Variants in TCIRG1 observed in about 807,000 individuals in gnomAD.
TCIRG1 encodes the protein V-type proton ATPase 116 kDa subunit a 3.
A neutral mutation model predicts 95.5 loss-of-function variants in TCIRG1; 86 were observed. The ratio of observed to expected loss-of-function variants is 0.90; its 90% CI spans 0.76 to 1.08. The LOEUF (loss-of-function observed/expected upper bound fraction) is 1.08, where lower values mean the gene tolerates loss of function less well. Among genes scored for constraint, TCIRG1 ranks in the 50% least tolerant of loss-of-function variants. TCIRG1 has a pLI of 0.00. For synonymous variants in TCIRG1, 499 were observed against 501.3 expected (o/e 1.00, Z 0.06); for missense variants, 1,069 against 1,140.2 (o/e 0.94, Z 0.90).
Position 68,047,950 on chromosome 11 carries a change from C to G in TCIRG1, c.1532C>G (p.Pro511Arg). 1 of 1,613,798 alleles carries G rather than the reference C, an allele frequency of 6.2e-7. No individual in the cohort carries two copies. Among genetic ancestry groups the G allele is most frequent in the Admixed American group, 1.7e-5 (1 of 60,032 alleles). Residue 511 changes from proline to arginine, a missense_variant, in exon 13 of 20, where the codon CCC (proline) becomes CGC (arginine). Pro to Arg is a moderately radical substitution (Grantham distance 103). Coordinates refer to ENST00000265686, the MANE Select transcript of TCIRG1 (RefSeq NM_006019.4). ...AACGTCACCGGTGTCTTCCTGGGAC[C>G]CTACCCCTTTGGCATCGATCCTGTG... ...DPNVTGVFLGPYPFGIDPIWS... is the reference protein window; with the variant it reads ...DPNVTGVFLGRYPFGIDPIWS...
rs753875344 is a variant in TCIRG1 at position 68,043,674 on chromosome 11, G to A, written c.713+21G>A. The A allele has an allele frequency of 5.7e-5, 91 of 1,586,432 alleles. No individual in the cohort carries two copies. In the Admixed American group the frequency reaches 1.4e-3, roughly 25 times the overall value. On this transcript the variant is annotated intron_variant, in intron 7 of 19. Transcript: ENST00000265686. ...GACTGGTGAGTCACTGGGAACACCC[G>A]CCCCACCGCCCTGCTCCCCAGGCCC...
In TCIRG1 at chr11:68,044,185, GCT is replaced by G. The variant is rs1855343556; in HGVS notation, c.862_863del (p.Leu288AlafsTer201). 6.4e-7 allele frequency: 1 copy of G among 1,555,910 alleles called. No individual in the cohort carries two copies. The highest frequency in any genetic ancestry group is 1.4e-5 in the African/African-American group (1 of 73,706). On this transcript the variant is annotated frameshift_variant, in exon 9 of 20. Transcript: ENST00000265686. LOFTEE classifies it high-confidence loss of function. ...GCCAGGTGCTAGGCCGGGTGCTGCA[GCT>G]GCTGCCGCCAGGGCAGGTGCAGGTC... is the stretch of plus-strand genomic sequence containing the variant. ...LSQVLGRVLQ[L>X]LPPGQVQVHK...
chr11:68,043,912 G>A lies in TCIRG1; in HGVS notation c.807+5G>A, dbSNP rs1855316991. 3.9e-6 allele frequency: 6 copies of A among 1,546,840 alleles called. No individual in the cohort carries two copies. Among genetic ancestry groups the A allele is most frequent in the Non-Finnish European group, 5.2e-6 (6 of 1,146,960 alleles). ...CAGAGCCAGGAGCTGCAGGAGGTGG[G>A]TGCCCCCGGCCTTCCGGAGGCGGGT... On this transcript the variant is annotated splice_donor_5th_base_variant and intron_variant, in intron 8 of 19. Transcript: ENST00000265686.
intron 2 of TCIRG1, 79 bp from the exon 3 acceptor site, chr11:68,041,674 G>A (rs999123331): frequency 6.6e-6 from 8 of 1,210,908 alleles, no homozygotes; most frequent in Non-Finnish European, 8.3e-6. Flanking sequence ...GGCCTGGGGA[G>A]AGTCAGGCCT....
chr11:68,044,407 G>T, intron 9 of TCIRG1, 63 bp downstream of exon 9: 1 of 1,373,418 alleles, frequency 7.3e-7, no homozygotes, highest in Non-Finnish European at 1.0e-6. Flanking sequence ...GGGCGTTTCT[G>T]CCTCACTTCC....
At chr11:68,052,304 TGG>T (rs1855823637), downstream of TCIRG1, 1 of 152,316 alleles carries the variant, frequency 6.6e-6, no homozygotes, top group Non-Finnish European at 1.5e-5. Flanking sequence ...GAGCTGACAG[TGG>T]GGCAAAGTGA....
chr11:68,041,843 C>T lies in TCIRG1; in HGVS notation c.196+12C>T. Reference sequence around the variant, plus strand: ...GGAGAAGACCTTCAGTGAGTTGGTCCCAGGCCTACATTCCAGGCAGGCTTC... The same window carrying T: ...GGAGAAGACCTTCAGTGAGTTGGTCTCAGGCCTACATTCCAGGCAGGCTTC... On this transcript the variant is annotated intron_variant, in intron 3 of 19. Coordinates refer to ENST00000265686, the MANE Select transcript of TCIRG1 (RefSeq NM_006019.4). The T allele has an allele frequency of 1.3e-6, 2 of 1,599,856 alleles. No homozygotes were observed. Among genetic ancestry groups the T allele is most frequent in the South Asian group, 2.3e-5 (2 of 88,816 alleles).
Position 68,042,631 on chromosome 11 carries a change from C to T in TCIRG1, c.197-12C>T, listed in dbSNP as rs1196930496. The T allele has an allele frequency of 6.5e-6, 10 of 1,546,656 alleles. No homozygotes were observed. The highest frequency in any genetic ancestry group is 1.2e-5 in the South Asian group (1 of 83,918). ...CCTCAACTGCACCCCACTCCCGTTC[C>T]TCTGCGCCCAGCCTTCCTGCAGGAG... On this transcript the variant is annotated splice_polypyrimidine_tract_variant and intron_variant, in intron 3 of 19. Transcript: ENST00000265686.
downstream of TCIRG1, chr11:68,052,553 A>G (rs1855833500): frequency 1.3e-5 from 2 of 152,384 alleles, no homozygotes; most frequent in Non-Finnish European, 2.9e-5. Context: ...TGAACAGCAA[A>G]AGCCTCCCTC....
At position 68,047,965 on chromosome 11, in the gene TCIRG1, T is replaced by A; in HGVS notation, c.1547T>A (p.Ile516Asn). ...GVFLGPYPFGIDPIWSLAANH... is the reference protein window; with the variant it reads ...GVFLGPYPFGNDPIWSLAANH... ...TTCCTGGGACCCTACCCCTTTGGCA[T>A]CGATCCTGTGAGTCCTGGGATGGAG... Residue 516 changes from isoleucine to asparagine, a missense_variant, in exon 13 of 20, where the codon ATC (isoleucine) becomes AAC (asparagine). Transcript: ENST00000265686. The A allele has an allele frequency of 6.2e-7, 1 of 1,613,678 alleles. No homozygotes were observed. Among genetic ancestry groups the A allele is most frequent in the Non-Finnish European group, 8.5e-7 (1 of 1,179,954 alleles).
intron 10 of TCIRG1, among the ~76,000 whole-genome samples, chr11:68,045,615 A>G (rs1855440105): frequency 6.6e-6 from 1 of 150,838 alleles, no homozygotes; most frequent in Admixed American, 6.6e-5. Flanking sequence ...GTGCAATGGC[A>G]TGATCTCGGC....
Position 68,043,652 on chromosome 11 carries a change from T to G in TCIRG1, c.712T>G (p.Cys238Gly), listed in dbSNP as rs763993521. 1.9e-6 allele frequency: 3 copies of G among 1,607,198 alleles called. No homozygotes were observed. In the African/African-American group the frequency reaches 4.0e-5, roughly 21 times the overall value. Residue 238 changes from cysteine (C) to glycine (G), a missense_variant and splice_region_variant, in exon 7 of 20, where the codon TGC (cysteine) becomes GGC (glycine). Coordinates refer to ENST00000265686, the MANE Select transcript of TCIRG1 (RefSeq NM_006019.4). ...ACAGAAGATCCGCAAGATCACGGAC[T>G]GGTGAGTCACTGGGAACACCCGCCC... ...IGQKIRKITD[C>G]FHCHVFPFLQ...
intron 13 of TCIRG1, 21 bp downstream of exon 13, chr11:68,047,993 T>C: frequency 4.4e-6 from 7 of 1,608,434 alleles, no homozygotes; most frequent in Non-Finnish European, 6.0e-6. Context: ...GGATGGAGTG[T>C]CCGTGGGTGG....
In TCIRG1 at chr11:68,049,212, C is replaced by G; in HGVS notation, c.1805C>G (p.Ser602Trp). The G allele has an allele frequency of 6.2e-7, 1 of 1,613,836 alleles. No individual in the cohort carries two copies. The highest frequency in any genetic ancestry group is 8.5e-7 in the Non-Finnish European group (1 of 1,180,012). The stretch of plus-strand genomic sequence containing the variant: ...TGTGTCTGGGCTGCCAGGGCCGCCT[C>G]GGCCCCCAGCATCCTCATCCACTTC... ...WLCVWAARAA[S>W]APSILIHFIN... is the part of the protein sequence containing the mutation. Residue 602 changes from serine to tryptophan, a missense_variant, in exon 15 of 20, where the codon TCG becomes TGG. Transcript: ENST00000265686.
rs763454024 is a variant in TCIRG1 at position 68,048,881 on chromosome 11, T to C, written c.1557T>C (p.Ile519=). 3 of 1,609,566 alleles carry C rather than the reference T, an allele frequency of 1.9e-6. No individual in the cohort carries two copies. In the South Asian group the frequency reaches 3.3e-5, roughly 18 times the overall value. The part of the protein sequence containing the change: ...LGPYPFGIDP[I]WSLAANHLSF... ...GCCCACCCCTGCTGCCACCCTAGATTTGGAGCCTGGCTGCCAACCACTTGA... is the reference window on the plus strand; with the variant it reads ...GCCCACCCCTGCTGCCACCCTAGATCTGGAGCCTGGCTGCCAACCACTTGA... The change falls in exon 14 of 20, where the codon ATT becomes ATC. Residue 519 remains isoleucine, a splice_region_variant and synonymous_variant. Coordinates refer to ENST00000265686, the MANE Select transcript of TCIRG1 (RefSeq NM_006019.4).
chr11:68,043,654 G>A lies in TCIRG1; in HGVS notation c.713+1G>A, dbSNP rs774308815. The A allele has an allele frequency of 6.2e-7, 1 of 1,606,642 alleles. No homozygotes were observed. Among genetic ancestry groups the A allele is most frequent in the South Asian group, 1.1e-5 (1 of 89,998 alleles). On this transcript the variant is annotated splice_donor_variant, in intron 7 of 19. Transcript: ENST00000265686. LOFTEE classifies it high-confidence loss of function. ...AGAAGATCCGCAAGATCACGGACTG[G>A]TGAGTCACTGGGAACACCCGCCCCA...
At chr11:68,042,263 C>A (rs1205912369) in intron 3 of TCIRG1, among the ~76,000 whole-genome samples, 1 of 152,214 alleles carries the variant, frequency 6.6e-6, no homozygotes, top group Non-Finnish European at 1.5e-5. Context: ...CAGGAGGAGC[C>A]TGTGGGGGCA....
chr11:68,039,506 C>A (rs1855060157), intron 1 of TCIRG1, among the ~76,000 whole-genome samples: 1 of 152,174 alleles, frequency 6.6e-6, no homozygotes. Flanking sequence ...GCGCCAGACC[C>A]TCTCCTACTG....
At chr11:68,039,374 C>T (rs971659654) in intron 1 of TCIRG1, among the ~76,000 whole-genome samples, 3 of 152,188 alleles carry the variant, frequency 2.0e-5, no homozygotes, top group African/African-American at 7.2e-5. Context: ...GCTGCTGCTT[C>T]CTTGGAGGGA....
Sources: gnomAD v4.1 joint callset for allele counts (sites outside exome capture counted in the v4.1 genomes callset) on GRCh38, gnomAD v4.1.1 for gene constraint, MANE v1.5 for transcripts, NCBI Gene and HGNC (gene_info 2026-07-23, HGNC 2026-07-21) for gene names.